Variants in MSMP observed in about 807,000 individuals in gnomAD.
MSMP encodes the protein prostate-associated microseminoprotein.
MSMP carries 9 observed loss-of-function variants against 15.8 expected under a neutral mutation model. The observed-to-expected ratio is 0.57, with a 90% confidence interval of 0.34 to 0.99. The LOEUF (loss-of-function observed/expected upper bound fraction) is 0.99. Ranked by LOEUF, MSMP falls within the 50% of genes least tolerant of loss-of-function variation. The pLI, the probability that MSMP is intolerant of heterozygous loss-of-function variation, is 0.02. For missense variants in MSMP, 170 were observed against 173.4 expected, an observed-to-expected ratio of 0.98 and a Z score of 0.11; for synonymous variants, 64 against 64.4, an observed-to-expected ratio of 0.99 and a Z score of 0.03.
In MSMP at chr9:35,753,880, C is replaced by T. The variant is rs556041798; in HGVS notation, c.131-112G>A. On this transcript the variant is annotated intron_variant, in intron 1 of 2. Transcript: ENST00000436428. The surrounding 1 kb of genome is among the most constrained non-coding windows in gnomAD (Gnocchi z 4.2). Reference sequence around the variant, plus strand: ...CGCACTATCCCCGTATTTAGTTTGTCTTTCCTGTTTCACAGCTGGAGGAAG... The same window carrying T: ...CGCACTATCCCCGTATTTAGTTTGTTTTTCCTGTTTCACAGCTGGAGGAAG... The T allele has an allele frequency of 1.2e-5, 18 of 1,545,398 alleles. No homozygotes were observed. The highest frequency in any genetic ancestry group is 1.6e-5 in the Non-Finnish European group (18 of 1,134,766).
chr9:35,753,180 AG>A lies in MSMP; in HGVS notation c.339del (p.Cys114AlafsTer30). 6.2e-7 allele frequency: 1 copy of A among 1,614,052 alleles called. No individual in the cohort carries two copies. Among genetic ancestry groups the A allele is most frequent in the Non-Finnish European group, 8.5e-7 (1 of 1,180,028 alleles). ...TCTGGGTCAGGCCCTCCCCCTTTGC[AG>A]GGCAGCCGAGGGTCAGATTTTTGCA... ...SLVQKSDPRL[P>X]CKGGGPDPEW... On this transcript the variant is annotated frameshift_variant, in exon 3 of 3. Transcript: ENST00000436428. LOFTEE classifies it high-confidence loss of function. The surrounding 1 kb of genome is among the most constrained non-coding windows in gnomAD (Gnocchi z 4.2).
chr9:35,754,247 GCT>G lies in MSMP; in HGVS notation c.-120_-119del. On this transcript the variant is annotated 5_prime_UTR_variant, in exon 1 of 3. Transcript: ENST00000436428. ...CTTAGTTTCTGTCTTTCTCCCCTGG[GCT>G]CCTGTCTCACACTATCTCCCTGCCC... The G allele has an allele frequency of 1.5e-6, 2 of 1,332,826 alleles. No individual in the cohort carries two copies. Among genetic ancestry groups the G allele is most frequent in the African/African-American group, 1.5e-5 (1 of 68,190 alleles). The allele number at this position is 1,332,826 out of a possible 1,614,324, so 82.6% of individuals were successfully genotyped here.
Position 35,753,762 on chromosome 9 carries a change from CA to C in MSMP, c.136del (p.Cys46ValfsTer98). ...SKCYFQAQAPCHYEGKYFTLG... is the reference protein window; with the variant it reads ...SKCYFQAQAPXHYEGKYFTLG... Reference sequence around the variant, plus strand: ...GGTAAAATATTTCCCCTCATAGTGACAGGGGGCTAGGGAAGAACGGGAAATG... The same window carrying C: ...GGTAAAATATTTCCCCTCATAGTGACGGGGGCTAGGGAAGAACGGGAAATG... On this transcript the variant is annotated frameshift_variant, in exon 2 of 3. Coordinates refer to ENST00000436428, the MANE Select transcript of MSMP (RefSeq NM_001044264.3). LOFTEE classifies it high-confidence loss of function. The surrounding 1 kb of genome is among the most constrained non-coding windows in gnomAD (Gnocchi z 4.2). 14 of 1,613,510 alleles carry C rather than the reference CA, an allele frequency of 8.7e-6. No individual in the cohort carries two copies. Among genetic ancestry groups the C allele is most frequent in the Non-Finnish European group, 1.1e-5 (13 of 1,179,486 alleles).
Position 35,753,913 on chromosome 9 carries a change from A to C in MSMP, c.130+87T>G. ...TTTCACAGCTGGAGGAAGCCTGGGT[A>C]TTTTGACACGGGATCATCTGTAAGG... On this transcript the variant is annotated intron_variant, in intron 1 of 2. Transcript: ENST00000436428. This position sits in a 1 kb window ranked among gnomAD's most constrained non-coding sequence, Gnocchi z 4.2. 6.4e-7 allele frequency: 1 copy of C among 1,559,600 alleles called. No individual in the cohort carries two copies.
In MSMP at chr9:35,753,946, C is replaced by T. The variant is rs1159782403; in HGVS notation, c.130+54G>A. On this transcript the variant is annotated intron_variant, in intron 1 of 2. Coordinates refer to ENST00000436428, the MANE Select transcript of MSMP (RefSeq NM_001044264.3). The surrounding 1 kb of genome is among the most constrained non-coding windows in gnomAD (Gnocchi z 4.2). The stretch of plus-strand genomic sequence containing the variant: ...ACGGGATCATCTGTAAGGCCCCATC[C>T]TCCCTGTGCCCTCTCTGCTGCTCCT... 4 of 1,581,120 alleles carry T rather than the reference C, an allele frequency of 2.5e-6. No homozygotes were observed. In the African/African-American group the frequency reaches 5.4e-5, roughly 21 times the overall value.
Position 35,753,123 on chromosome 9 carries a change from C to T in MSMP, c.397G>A (p.Ala133Thr). The T allele has an allele frequency of 6.2e-7, 1 of 1,614,040 alleles. No homozygotes were observed. Among genetic ancestry groups the T allele is most frequent in the Non-Finnish European group, 8.5e-7 (1 of 1,179,908 alleles). ...WGSANTPVPG[A>T]PAPHSS ...GTTTAGCTGGAGTGGGGAGCAGGAG[C>T]CCCAGGAACAGGGGTGTTGGCTGAG... The change falls in exon 3 of 3, where the codon GCT (alanine) becomes ACT (threonine). Residue 133 changes from alanine to threonine, a missense_variant. Ala to Thr is a moderately conservative substitution (Grantham distance 58, BLOSUM62 0). Transcript: ENST00000436428. This position sits in a 1 kb window ranked among gnomAD's most constrained non-coding sequence, Gnocchi z 4.2.
In MSMP at chr9:35,753,142, GGCTGA is replaced by G. The variant is rs1250653597; in HGVS notation, c.373_377del (p.Ser125GlnfsTer42). The G allele has an allele frequency of 6.2e-7, 1 of 1,614,204 alleles. No individual in the cohort carries two copies. Among genetic ancestry groups the G allele is most frequent in the South Asian group, 1.1e-5 (1 of 91,088 alleles). ...CAGGAGCCCCAGGAACAGGGGTGTT[GGCTGA>G]GCCCCATTCTGGGTCAGGCCCTCCC... On this transcript the variant is annotated frameshift_variant, in exon 3 of 3. Transcript: ENST00000436428. LOFTEE classifies it high-confidence loss of function. The surrounding 1 kb of genome is among the most constrained non-coding windows in gnomAD (Gnocchi z 4.2).
At position 35,754,072 on chromosome 9, in the gene MSMP, TC is replaced by T. The variant is rs1255903191; in HGVS notation, c.57del (p.Ile20SerfsTer5). ...GQAKGILGGW[G>X]IICLVMSLLL... ...AGTAGAGACATCACCAAGCAGATGA[TC>T]CCCCAGCCTCCTAGGATCCCCTTGG... On this transcript the variant is annotated frameshift_variant, in exon 1 of 3. Coordinates refer to ENST00000436428, the MANE Select transcript of MSMP (RefSeq NM_001044264.3). LOFTEE classifies it high-confidence loss of function. 5 of 1,613,546 alleles carry T rather than the reference TC, an allele frequency of 3.1e-6. No homozygotes were observed. Among genetic ancestry groups the T allele is most frequent in the Non-Finnish European group, 4.2e-6 (5 of 1,179,720 alleles).
In MSMP at chr9:35,754,025, G is replaced by A; in HGVS notation, c.105C>T (p.Tyr35=). 2 of 1,613,734 alleles carry A rather than the reference G, an allele frequency of 1.2e-6. No individual in the cohort carries two copies. Among genetic ancestry groups the A allele is most frequent in the Non-Finnish European group, 1.7e-6 (2 of 1,179,758 alleles). Residue 35 remains tyrosine, a synonymous_variant, in exon 1 of 3, where the codon TAC becomes TAT. Coordinates refer to ENST00000436428, the MANE Select transcript of MSMP (RefSeq NM_001044264.3). ...MSLLLQHPGV[Y]SKCYFQAQAP... Reference sequence around the variant, plus strand: ...CTTGAGCTTGGAAGTAGCACTTGCTGTAGACTCCTGGGTGCTGGAGGAGTA... The same window carrying A: ...CTTGAGCTTGGAAGTAGCACTTGCTATAGACTCCTGGGTGCTGGAGGAGTA...
rs748782932 is a variant in MSMP at position 35,753,726 on chromosome 9, G to T, written c.173C>A (p.Ser58Tyr). Reference protein sequence around the residue: ...YEGKYFTLGESWLRKDCFHCT... With the variant: ...YEGKYFTLGEYWLRKDCFHCT... ...ATGGAAACAGTCCTTGCGGAGCCAA[G>T]ACTCACCCAGGGTAAAATATTTCCC... Residue 58 changes from serine to tyrosine, a missense_variant, in exon 2 of 3, where the codon TCT (serine) becomes TAT (tyrosine). Ser to Tyr is a moderately radical substitution (Grantham distance 144). Coordinates refer to ENST00000436428, the MANE Select transcript of MSMP (RefSeq NM_001044264.3). This position sits in a 1 kb window ranked among gnomAD's most constrained non-coding sequence, Gnocchi z 4.2. 6.2e-7 allele frequency: 1 copy of T among 1,614,046 alleles called. No homozygotes were observed. Among genetic ancestry groups the T allele is most frequent in the African/African-American group, 1.3e-5 (1 of 74,920 alleles).
In MSMP at chr9:35,753,189, G is replaced by A. The variant is rs369287451; in HGVS notation, c.331C>T (p.Arg111Trp). 6.4e-5 allele frequency: 104 copies of A among 1,614,164 alleles called. No individual in the cohort carries two copies. The highest frequency in any genetic ancestry group is 7.7e-5 in the Non-Finnish European group (91 of 1,180,022). Residue 111 changes from arginine to tryptophan, a missense_variant, in exon 3 of 3, where the codon CGG becomes TGG. By Grantham distance (101) the Arg-to-Trp change is moderately radical (BLOSUM62 -3). Coordinates refer to ENST00000436428, the MANE Select transcript of MSMP (RefSeq NM_001044264.3). The surrounding 1 kb of genome is among the most constrained non-coding windows in gnomAD (Gnocchi z 4.2). Reference sequence around the variant, plus strand: ...GGCCCTCCCCCTTTGCAGGGCAGCCGAGGGTCAGATTTTTGCACCAAGGAG... The same window carrying A: ...GGCCCTCCCCCTTTGCAGGGCAGCCAAGGGTCAGATTTTTGCACCAAGGAG... ...QFSLVQKSDP[R>W]LPCKGGGPDP...
Position 35,754,177 on chromosome 9 carries a change from C to A in MSMP, c.-48G>T. 1.3e-6 allele frequency: 2 copies of A among 1,581,024 alleles called. No individual in the cohort carries two copies. The highest frequency in any genetic ancestry group is 1.8e-5 in the Admixed American group (1 of 54,992). ...ACCCTTCTTGGCCTCTGCTCAGCTA[C>A]TCTGGTCTTGACTCCTTGACTTTGC... On this transcript the variant is annotated 5_prime_UTR_variant, in exon 1 of 3. Coordinates refer to ENST00000436428, the MANE Select transcript of MSMP (RefSeq NM_001044264.3).
rs1280383917 is a variant in MSMP, at chr9:35,754,051, G to C, written c.79C>G (p.Leu27Val). ...GWGIICLVMS[L>V]LLQHPGVYSK... ...TAGACTCCTGGGTGCTGGAGGAGTA[G>C]AGACATCACCAAGCAGATGATCCCC... is the stretch of plus-strand genomic sequence containing the variant. The change falls in exon 1 of 3, where the codon CTA becomes GTA. Residue 27 changes from leucine to valine, a missense_variant. Transcript: ENST00000436428. The C allele has an allele frequency of 1.2e-6, 2 of 1,613,774 alleles. No homozygotes were observed. The highest frequency in any genetic ancestry group is 1.7e-6 in the Non-Finnish European group (2 of 1,179,874).
Position 35,753,318 on chromosome 9 carries a change from GA to G in MSMP, c.240-39del. 1 of 1,597,112 alleles carries G rather than the reference GA, an allele frequency of 6.3e-7. No homozygotes were observed. On this transcript the variant is annotated intron_variant, in intron 2 of 2. Transcript: ENST00000436428. The surrounding 1 kb of genome is among the most constrained non-coding windows in gnomAD (Gnocchi z 4.2). The stretch of plus-strand genomic sequence containing the variant: ...GGATAGGGGAAGGAGTCAGCACAGT[GA>G]AAGGCTGCCTTTATCCCTGCCCACA...
Position 35,753,691 on chromosome 9 carries a change from G to T in MSMP, c.208C>A (p.Leu70Met). 6 of 1,614,126 alleles carry T rather than the reference G, an allele frequency of 3.7e-6. No individual in the cohort carries two copies. The highest frequency in any genetic ancestry group is 1.1e-5 in the South Asian group (1 of 91,060). The change falls in exon 2 of 3, where the codon CTG becomes ATG. Residue 70 changes from leucine to methionine, a missense_variant. By Grantham distance (15) the Leu-to-Met change is conservative. Transcript: ENST00000436428. The surrounding 1 kb of genome is among the most constrained non-coding windows in gnomAD (Gnocchi z 4.2). ...CAGCAGCCCACGCCAACAGGATGCA[G>T]ACAGGTGCAATGGAAACAGTCCTTG... ...LRKDCFHCTC[L>M]HPVGVGCCDT...
rs921390910 is a variant in MSMP, at chr9:35,753,497, G to T, written c.239+163C>A. 1.3e-6 allele frequency: 1 copy of T among 773,666 alleles called. No individual in the cohort carries two copies. The highest frequency in any genetic ancestry group is 2.1e-6 in the Non-Finnish European group (1 of 479,062). The allele number at this position is 773,666 out of a possible 1,614,324, so 47.9% of individuals were successfully genotyped here. On this transcript the variant is annotated intron_variant, in intron 2 of 2. Coordinates refer to ENST00000436428, the MANE Select transcript of MSMP (RefSeq NM_001044264.3). The surrounding 1 kb of genome is among the most constrained non-coding windows in gnomAD (Gnocchi z 4.2). ...CCACCCCAACCTCCCCTGATTTATA[G>T]CCTGAAGCCTTATCTTTCACACTAG...
chr9:35,754,098 G>A lies in MSMP; in HGVS notation c.32C>T (p.Ala11Val), dbSNP rs1435343165. Residue 11 changes from alanine to valine, a missense_variant, in exon 1 of 3, where the codon GCC becomes GTC. Physicochemically the swap from Ala to Val is moderately conservative, Grantham distance 64. Coordinates refer to ENST00000436428, the MANE Select transcript of MSMP (RefSeq NM_001044264.3). MALRMLWAGQAKGILGGWGII... is the reference protein window; with the variant it reads MALRMLWAGQVKGILGGWGII... ...CCCCCAGCCTCCTAGGATCCCCTTG[G>A]CCTGTCCAGCCCAGAGCATCCTTAG... 6.2e-7 allele frequency: 1 copy of A among 1,613,464 alleles called. No homozygotes were observed. The highest frequency in any genetic ancestry group is 1.3e-5 in the African/African-American group (1 of 74,874).
Position 35,753,174 on chromosome 9 carries a change from C to G in MSMP, c.346G>C (p.Gly116Arg), listed in dbSNP as rs752735628. ...CCCCATTCTGGGTCAGGCCCTCCCC[C>G]TTTGCAGGGCAGCCGAGGGTCAGAT... The part of the protein sequence containing the change: ...QKSDPRLPCK[G>R]GGPDPEWGSA... Residue 116 changes from glycine (G) to arginine (R), a missense_variant, in exon 3 of 3, where the codon GGG becomes CGG. Gly to Arg is a moderately radical substitution (Grantham distance 125). Coordinates refer to ENST00000436428, the MANE Select transcript of MSMP (RefSeq NM_001044264.3). The surrounding 1 kb of genome is among the most constrained non-coding windows in gnomAD (Gnocchi z 4.2). 6 of 1,614,188 alleles carry G rather than the reference C, an allele frequency of 3.7e-6. No homozygotes were observed. The highest frequency in any genetic ancestry group is 1.7e-5 in the Admixed American group (1 of 60,028).
In MSMP at chr9:35,753,250, C is replaced by G; in HGVS notation, c.270G>C (p.Gly90=). The change falls in exon 3 of 3, where the codon GGG becomes GGC. Residue 90 remains glycine (G), a synonymous_variant. Transcript: ENST00000436428. This position sits in a 1 kb window ranked among gnomAD's most constrained non-coding sequence, Gnocchi z 4.2. The part of the protein sequence containing the change: ...TSQHPIDFPA[G]CEVRQEAGTC... ...TTCCTGCCTCCTGACGTACCTCACA[C>G]CCAGCCGGGAAGTCGATGGGATGCT... 6.2e-7 allele frequency: 1 copy of G among 1,614,068 alleles called. No individual in the cohort carries two copies. Among genetic ancestry groups the G allele is most frequent in the Non-Finnish European group, 8.5e-7 (1 of 1,180,008 alleles).
Sources: gnomAD v4.1 joint callset for allele counts on GRCh38, gnomAD v4.1.1 for gene constraint, Gnocchi (gnomAD v3.1) non-coding constraint, MANE v1.5 for transcripts, NCBI Gene and HGNC (gene_info 2026-07-23, HGNC 2026-07-21) for gene names.